Variants in RPRD2 observed in about 807,000 individuals in gnomAD.
The protein encoded by RPRD2 is regulation of nuclear pre-mRNA domain-containing protein 2.
RPRD2 carries 12 observed loss-of-function variants against 104.4 expected under a neutral mutation model. The ratio of observed to expected loss-of-function variants is 0.11; its 90% CI spans 0.07 to 0.19. The LOEUF (loss-of-function observed/expected upper bound fraction) is 0.19. Among genes scored for constraint, RPRD2 ranks in the 10% least tolerant of loss-of-function variants. The pLI is 1.00. For synonymous variants in RPRD2, 714 were observed against 684.9 expected (o/e 1.04, Z -0.66); for missense variants, 1,543 against 1,790.1 (o/e 0.86, Z 2.49).
intron 9 of RPRD2, among the ~76,000 whole-genome samples, chr1:150,462,462 C>CAA (rs147070994): frequency 0.021 from 3,055 of 147,450 alleles, 133 homozygotes; most frequent in African/African-American, 0.072. Context: ...AAACAAAAAA[C>CAA]AAAAAAAAAA....
intron 1 of RPRD2, among the ~76,000 whole-genome samples, chr1:150,413,743 T>C (rs1163408066): frequency 6.6e-6 from 1 of 151,044 alleles, no homozygotes; most frequent in African/African-American, 2.4e-5. Context: ...CTGACCAACA[T>C]AGAGAAACCC....
chr1:150,473,194 A>G lies in RPRD2; in HGVS notation c.4246A>G (p.Ser1416Gly), dbSNP rs1181514259. ...TISRSGIILRSPRPDFRPREP... is the reference protein window; with the variant it reads ...TISRSGIILRGPRPDFRPREP... The stretch of plus-strand genomic sequence containing the variant: ...CAGCCGGAGTGGTATAATCTTACGG[A>G]GTCCCCGGCCAGACTTTCGGCCTAG... Residue 1416 changes from serine (S) to glycine (G), a missense_variant, in exon 11 of 11, where the codon AGT (serine) becomes GGT (glycine). By Grantham distance (56) the Ser-to-Gly change is moderately conservative (BLOSUM62 0). This residue lies in a region of RPRD2 where 880 missense variants were observed against 885.6 expected (regional missense o/e 0.99). Coordinates refer to ENST00000369068, the MANE Select transcript of RPRD2 (RefSeq NM_015203.5). 1 of 1,613,998 alleles carries G rather than the reference A, an allele frequency of 6.2e-7. No individual in the cohort carries two copies. The highest frequency in any genetic ancestry group is 1.1e-5 in the South Asian group (1 of 91,086).
chr1:150,471,423 T>G lies in RPRD2; in HGVS notation c.2475T>G (p.Thr825=). Residue 825 remains threonine, a synonymous_variant, in exon 11 of 11, where the codon ACT becomes ACG. Transcript: ENST00000369068. This position sits in a 1 kb window ranked among gnomAD's most constrained non-coding sequence, Gnocchi z 5.3. ...DSSQEKFYPD[T]SFQEDEDYRD... is the part of the protein sequence containing the mutation. ...CACAGGAAAAGTTCTACCCAGATAC[T>G]TCTTTCCAAGAAGATGAGGATTACC... The G allele has an allele frequency of 6.2e-7, 1 of 1,613,978 alleles. No individual in the cohort carries two copies. The highest frequency in any genetic ancestry group is 8.5e-7 in the Non-Finnish European group (1 of 1,179,886).
At chr1:150,465,764 T>C (rs1231452775) in intron 10 of RPRD2, among the ~76,000 whole-genome samples, 15 of 152,052 alleles carry the variant, frequency 9.9e-5, no homozygotes, top group Admixed American at 9.8e-4. Context: ...GTCCATTTAT[T>C]ATCAAAAAAT....
intron 1 of RPRD2, among the ~76,000 whole-genome samples, chr1:150,406,920 G>T (rs1663531787): frequency 1.3e-5 from 2 of 151,974 alleles, no homozygotes; most frequent in East Asian, 1.9e-4. Context: ...TCTCCATGTT[G>T]ATCAGGCTGG....
intron 10 of RPRD2, among the ~76,000 whole-genome samples, chr1:150,466,385 A>C (rs1668276730): frequency 6.6e-6 from 1 of 150,846 alleles, no homozygotes; most frequent in Non-Finnish European, 1.5e-5. Context: ...CTCAAAAAAA[A>C]AAAAAAAAAA....
chr1:150,439,205 A>C (rs1666237556), intron 2 of RPRD2, among the ~76,000 whole-genome samples: 1 of 152,204 alleles, frequency 6.6e-6, no homozygotes, highest in Admixed American at 6.5e-5. Context: ...CACCAAATGG[A>C]GATTTACAAG....
At chr1:150,422,487 G>A (rs1664839463) in intron 2 of RPRD2, among the ~76,000 whole-genome samples, 1 of 151,890 alleles carries the variant, frequency 6.6e-6, no homozygotes, top group Admixed American at 6.6e-5. Context: ...GGGGGCAAAT[G>A]TCTAGAAGTT....
At chr1:150,443,862 A>C (rs1348623132) in intron 5 of RPRD2, among the ~76,000 whole-genome samples, 5 of 146,134 alleles carry the variant, frequency 3.4e-5, no homozygotes, top group South Asian at 2.1e-4. Context: ...AAAAAAAAAA[A>C]CAAAAATTAG....
intron 1 of RPRD2, among the ~76,000 whole-genome samples, chr1:150,368,356 G>A (rs1660014585): frequency 6.6e-6 from 1 of 150,934 alleles, no homozygotes; most frequent in Non-Finnish European, 1.5e-5. Flanking sequence ...GCGGTGGCGT[G>A]ATCTCAGCTC....
intron 10 of RPRD2, among the ~76,000 whole-genome samples, chr1:150,468,354 TAA>T (rs71578501): frequency 6.9e-6 from 1 of 144,968 alleles, no homozygotes; most frequent in African/African-American, 2.5e-5. Flanking sequence ...TAAAAATAAT[TAA>T]AAAAAAAAAA....
chr1:150,415,374 C>T (rs1664257844), intron 1 of RPRD2, among the ~76,000 whole-genome samples: 2 of 151,660 alleles, frequency 1.3e-5, no homozygotes, highest in South Asian at 4.2e-4. Flanking sequence ...AAATAAGAAT[C>T]AAATTAAAAT....
chr1:150,392,499 CA>C (rs1372138571), intron 1 of RPRD2, among the ~76,000 whole-genome samples: 1 of 151,570 alleles, frequency 6.6e-6, no homozygotes, highest in Non-Finnish European at 1.5e-5. Flanking sequence ...AGTGAGACTC[CA>C]AAAAAAATTG....
chr1:150,414,585 G>A (rs1664199032), intron 1 of RPRD2, among the ~76,000 whole-genome samples: 1 of 152,092 alleles, frequency 6.6e-6, no homozygotes. Flanking sequence ...AAAACCAGGA[G>A]AGTGGTTAAG....
intron 2 of RPRD2, among the ~76,000 whole-genome samples, chr1:150,437,322 C>T (rs1242252344): frequency 6.6e-6 from 1 of 152,110 alleles, no homozygotes; most frequent in African/African-American, 2.4e-5. Context: ...ATGGTGAAAC[C>T]TTGTCTCTAC....
chr1:150,451,027 A>T (rs1308954603), intron 7 of RPRD2, among the ~76,000 whole-genome samples: 6 of 152,172 alleles, frequency 3.9e-5, no homozygotes, highest in Admixed American at 3.9e-4. Flanking sequence ...CAGAATCACA[A>T]GTTGCATTCG....
In RPRD2 at chr1:150,473,514, C is replaced by CCCTCCCAT; in HGVS notation, c.*181_*188dup. On this transcript the variant is annotated 3_prime_UTR_variant, in exon 11 of 11. Transcript: ENST00000369068. ...ACGTTTTACTATTCAATTCAATCCT[C>CCCTCCCAT]CCTCCCATTGCACTTATCTACCTTC... The CCCTCCCAT allele has an allele frequency of 2.5e-6, 1 of 406,776 alleles. No homozygotes were observed. Among genetic ancestry groups the CCCTCCCAT allele is most frequent in the Non-Finnish European group, 4.2e-6 (1 of 235,862 alleles). The allele number at this position is 406,776 out of a possible 1,614,324, so 25.2% of individuals were successfully genotyped here. A position where few individuals can be genotyped will look rare whatever the true frequency, so the allele number is the denominator to read the frequency against.
intron 4 of RPRD2, 142 bp from the exon 5 acceptor site, chr1:150,443,089 T>A (rs2102361350): frequency 1.7e-6 from 1 of 596,608 alleles, no homozygotes; most frequent in Non-Finnish European, 3.0e-6. Context: ...TCCTAGTCCA[T>A]TATTTATTTT....
intron 1 of RPRD2, among the ~76,000 whole-genome samples, chr1:150,394,079 T>A (rs1662301228): frequency 6.6e-6 from 1 of 152,100 alleles, no homozygotes; most frequent in African/African-American, 2.4e-5. Context: ...GGAATTTCAC[T>A]CTTAAAAGTT....
Sources: gnomAD v4.1 joint callset for allele counts (sites outside exome capture counted in the v4.1 genomes callset) on GRCh38, gnomAD v4.1.1 for gene constraint, gnomAD v4.1.1 regional missense constraint, Gnocchi (gnomAD v3.1) non-coding constraint, MANE v1.5 for transcripts, NCBI Gene and HGNC (gene_info 2026-07-23, HGNC 2026-07-21) for gene names.